The following SLCO1B1 variants were observed in gnomAD, a reference collection of about 807,000 sequenced individuals.
SLCO1B1 encodes the protein solute carrier organic anion transporter family member 1B1, also known as OATP-2.
SLCO1B1 carries 81 observed loss-of-function variants against 70.1 expected under a neutral mutation model. The ratio of observed to expected loss-of-function variants is 1.16; its 90% confidence interval spans 0.97 to 1.39. The LOEUF is 1.39. SLCO1B1 is among the 40% of genes most tolerant of loss of function. The probability of loss-of-function intolerance (pLI) is 0.00; values close to 1 mark genes in which losing one functional copy is unlikely to be tolerated. For synonymous variants in SLCO1B1, 283 were observed against 271.5 expected, an observed-to-expected ratio of 1.04 and a Z score of -0.42; for missense variants, 895 against 799.6, an observed-to-expected ratio of 1.12 and a Z score of -1.44.
intron 2 of SLCO1B1, among the ~76,000 whole-genome samples, chr12:21,145,753 A>G (rs751228120): frequency 3.4e-4 from 52 of 152,092 alleles, no homozygotes; most frequent in Non-Finnish European, 7.2e-4. Flanking sequence ...TAGGCATAAA[A>G]TGGTACTTTG....
intron 1 of SLCO1B1, among the ~76,000 whole-genome samples, chr12:21,136,585 C>G (rs906585313): frequency 2.0e-5 from 3 of 152,202 alleles, no homozygotes; most frequent in African/African-American, 7.2e-5. Context: ...TTCATTTCGT[C>G]TTCCATCACT....
chr12:21,182,291 A>T (rs944284451), intron 7 of SLCO1B1, among the ~76,000 whole-genome samples: 1 of 152,136 alleles, frequency 6.6e-6, no homozygotes, highest in African/African-American at 2.4e-5. Context: ...CACGACCCCC[A>T]GAGACATTGG....
chr12:21,152,461 T>C (rs1168817517), intron 2 of SLCO1B1, among the ~76,000 whole-genome samples: 3 of 141,164 alleles, frequency 2.1e-5, no homozygotes, highest in Non-Finnish European at 4.6e-5. Context: ...CCAGACATAA[T>C]GTATTGAGTT....
At chr12:21,135,350 C>T (rs538273004) in intron 1 of SLCO1B1, among the ~76,000 whole-genome samples, 19 of 152,254 alleles carry the variant, frequency 1.2e-4, no homozygotes, top group African/African-American at 2.2e-4. Context: ...TCTATTAGGT[C>T]CGCTTGGTGC....
chr12:21,181,076 T>C (rs11045825), intron 7 of SLCO1B1, among the ~76,000 whole-genome samples: 18,240 of 152,192 alleles, frequency 0.12, 1,292 homozygotes, highest in Non-Finnish European at 0.16. Flanking sequence ...ATAGGAGAAT[T>C]CTTTTGGTTG....
intron 12 of SLCO1B1, among the ~76,000 whole-genome samples, chr12:21,221,981 C>G (rs955925814): frequency 6.6e-6 from 1 of 151,804 alleles, no homozygotes; most frequent in East Asian, 1.9e-4. Flanking sequence ...ACTGACTAGA[C>G]CACAAAAAAT....
chr12:21,155,080 A>G (rs1021134096), intron 2 of SLCO1B1, among the ~76,000 whole-genome samples: 4 of 139,228 alleles, frequency 2.9e-5, no homozygotes, highest in Non-Finnish European at 4.7e-5. Context: ...TGAGCATTCA[A>G]TGGGCACTCT....
chr12:21,159,716 T>C (rs1940589214), intron 2 of SLCO1B1, among the ~76,000 whole-genome samples: 1 of 152,070 alleles, frequency 6.6e-6, no homozygotes, highest in Non-Finnish European at 1.5e-5. Flanking sequence ...GCAGGTGACA[T>C]GATTCTATAT....
At chr12:21,150,273 A>C (rs1323865439) in intron 2 of SLCO1B1, among the ~76,000 whole-genome samples, 2 of 150,886 alleles carry the variant, frequency 1.3e-5, no homozygotes, top group East Asian at 3.9e-4. Flanking sequence ...CAGCTTCAGC[A>C]GACTTAAACT....
chr12:21,189,245 A>G (rs1940999253), intron 7 of SLCO1B1, among the ~76,000 whole-genome samples: 1 of 152,172 alleles, frequency 6.6e-6, no homozygotes, highest in African/African-American at 2.4e-5. Context: ...ACCGTGTTCA[A>G]ATATCTCCAC....
intron 1 of SLCO1B1, among the ~76,000 whole-genome samples, chr12:21,138,742 A>G (rs1940265356): frequency 7.1e-6 from 1 of 141,682 alleles, no homozygotes; most frequent in African/African-American, 2.6e-5. Context: ...AATATTGAAG[A>G]GGTACAATTT....
At chr12:21,154,648 C>T (rs555592955) in intron 2 of SLCO1B1, among the ~76,000 whole-genome samples, 2 of 151,984 alleles carry the variant, frequency 1.3e-5, no homozygotes, top group Non-Finnish European at 2.9e-5. Flanking sequence ...TATTTTACCT[C>T]CTTTCCTGTT....
At chr12:21,205,536 A>T (rs1314980994) in intron 10 of SLCO1B1, among the ~76,000 whole-genome samples, 1 of 151,932 alleles carries the variant, frequency 6.6e-6, no homozygotes. Context: ...CAGAAAAAAG[A>T]TGTAACTTAT....
intron 1 of SLCO1B1, among the ~76,000 whole-genome samples, chr12:21,135,547 G>T (rs1284036901): frequency 1.3e-5 from 2 of 152,338 alleles, no homozygotes; most frequent in South Asian, 4.1e-4. Flanking sequence ...ATTTAGGATA[G>T]TTAGCGCTTC....
Position 21,239,373 on chromosome 12 carries a change from C to A in SLCO1B1, c.*184C>A. ...ACTGTAGGTAGAAAAAATGAGAGTA[C>A]TCATTGTTACATTATAGCTACATAT... On this transcript the variant is annotated 3_prime_UTR_variant, in exon 15 of 15. Coordinates refer to ENST00000256958, the MANE Select transcript of SLCO1B1 (RefSeq NM_006446.5). 1.8e-6 allele frequency: 1 copy of A among 570,834 alleles called. No individual in the cohort carries two copies. Among genetic ancestry groups the A allele is most frequent in the South Asian group, 2.0e-5 (1 of 50,436 alleles). The allele number at this position is 570,834 out of a possible 1,614,324, so 35.4% of individuals were successfully genotyped here.
At chr12:21,150,372 TC>T (rs920636025) in intron 2 of SLCO1B1, among the ~76,000 whole-genome samples, 66 of 152,188 alleles carry the variant, frequency 4.3e-4, no homozygotes, top group African/African-American at 1.6e-3. Flanking sequence ...CTTAAGTGGG[TC>T]CCTGACTCCC....
At chr12:21,190,152 A>T (rs930198003) in intron 7 of SLCO1B1, among the ~76,000 whole-genome samples, 32 of 152,178 alleles carry the variant, frequency 2.1e-4, no homozygotes, top group African/African-American at 7.2e-4. Flanking sequence ...AGAAATAGGT[A>T]TAAGGAAGTA....
intron 7 of SLCO1B1, among the ~76,000 whole-genome samples, chr12:21,193,250 T>C (rs1458121426): frequency 1.3e-5 from 2 of 152,282 alleles, no homozygotes; most frequent in East Asian, 3.9e-4. Flanking sequence ...TGTTTCCTCA[T>C]TGATTTTCTC....
intron 7 of SLCO1B1, among the ~76,000 whole-genome samples, chr12:21,185,112 A>G (rs1007355171): frequency 6.6e-6 from 1 of 152,156 alleles, no homozygotes; most frequent in African/African-American, 2.4e-5. Flanking sequence ...GATTTACAAA[A>G]AAGATTCTTA....
Sources: allele counts gnomAD v4.1 joint callset (sites outside exome capture counted in the v4.1 genomes callset), GRCh38; gene constraint gnomAD v4.1.1; transcripts MANE v1.5; gene names NCBI Gene and HGNC (gene_info 2026-07-23, HGNC 2026-07-21).